CELF5: variants seen among roughly 807,000 people sequenced by gnomAD.
CELF5 encodes CUG-BP and ETR-3 like factor 5.
CELF5 carries 6 observed loss-of-function variants against 54.9 expected under a neutral mutation model. The observed-to-expected ratio is 0.11, with a 90% confidence interval of 0.06 to 0.22. CELF5 has a LOEUF of 0.22. Among genes scored for constraint, CELF5 ranks in the 10% least tolerant of loss-of-function variants. CELF5 has a pLI of 1.00. For synonymous variants in CELF5, 271 were observed against 290.9 expected (o/e 0.93, Z 0.70); for missense variants, 401 against 678.6 (o/e 0.59, Z 4.54).
Position 3,224,837 on chromosome 19 carries a change from G to A in CELF5, c.98G>A (p.Gly33Glu), listed in dbSNP as rs1395946528. The A allele has an allele frequency of 6.3e-7, 1 of 1,591,268 alleles. No individual in the cohort carries two copies. The highest frequency in any genetic ancestry group is 8.5e-7 in the Non-Finnish European group (1 of 1,170,228). The change falls in exon 1 of 13, where the codon GGG (glycine) becomes GAG (glutamate). Residue 33 changes from glycine to glutamate, a missense_variant. Around this residue, in one of 6 missense-constraint regions of CELF5, gnomAD observed 46 missense variants for 55.0 expected, o/e 0.84. Transcript: ENST00000292672. ...GGCAGCAGCGGGCCCGAGCCCCCCG[G>A]GGGGCAGCCCGACGGCATGAAGGAC... ...PVGSSGPEPPGGQPDGMKDLD... is the reference protein window; with the variant it reads ...PVGSSGPEPPEGQPDGMKDLD...
At chr19:3,252,979 G>C (rs890232267) in intron 2 of CELF5, among the ~76,000 whole-genome samples, 5 of 152,000 alleles carry the variant, frequency 3.3e-5, no homozygotes, top group African/African-American at 1.2e-4. Context: ...GGGCACTCCA[G>C]GCAGAAGGAA....
intron 11 of CELF5, 83 bp from the exon 12 acceptor site, chr19:3,293,236 G>T: frequency 6.4e-7 from 1 of 1,570,032 alleles, no homozygotes; most frequent in South Asian, 1.2e-5. Context: ...GACCCCGTGA[G>T]CCGGGAAGCC....
At position 3,281,213 on chromosome 19, in the gene CELF5, C is replaced by T. The variant is rs1444290472; in HGVS notation, c.618C>T (p.Ser206=). Residue 206 remains serine (S), a synonymous_variant, in exon 6 of 13, where the codon AGC becomes AGT. Coordinates refer to ENST00000292672, the MANE Select transcript of CELF5 (RefSeq NM_021938.4). This position sits in a 1 kb window ranked among gnomAD's most constrained non-coding sequence, Gnocchi z 6.5. The part of the protein sequence containing the change: ...GSQTMPGASS[S]LVVKFADTDK... ...TGCCCCTGCAGGGAGCCTCCTCCAGCCTGGTGGTCAAGTTCGCCGACACGG... is the reference window on the plus strand; with the variant it reads ...TGCCCCTGCAGGGAGCCTCCTCCAGTCTGGTGGTCAAGTTCGCCGACACGG... 1 of 1,607,642 alleles carries T rather than the reference C, an allele frequency of 6.2e-7. No individual in the cohort carries two copies. Among genetic ancestry groups the T allele is most frequent in the Admixed American group, 1.7e-5 (1 of 59,994 alleles).
chr19:3,270,242 G>A (rs1407551645), intron 2 of CELF5, among the ~76,000 whole-genome samples: 1 of 152,124 alleles, frequency 6.6e-6, no homozygotes, highest in Non-Finnish European at 1.5e-5. Context: ...AGCCTTGGGG[G>A]CCCCAGAACC....
chr19:3,295,123 G>A, intron 12 of CELF5: 1 of 152,570 alleles, frequency 6.6e-6, no homozygotes, highest in Non-Finnish European at 1.5e-5. Flanking sequence ...ACCGTTCTTT[G>A]GACACCAGCC....
intron 11 of CELF5, among the ~76,000 whole-genome samples, chr19:3,292,947 G>A (rs927280479): frequency 1.3e-5 from 2 of 152,142 alleles, no homozygotes; most frequent in African/African-American, 2.4e-5. Context: ...CACACAGTCA[G>A]CTGGAGACAC....
intron 1 of CELF5, among the ~76,000 whole-genome samples, chr19:3,235,789 A>AATGGATGGATGGATGGATGG (rs1278030051): frequency 3.9e-5 from 2 of 50,764 alleles, no homozygotes; most frequent in East Asian, 8.8e-4. Context: ...TGGATGGATG[A>AATGGATGGATGGATGGATGG]ATGGATGGAT....
At chr19:3,256,327 C>T (rs1285864821) in intron 2 of CELF5, among the ~76,000 whole-genome samples, 1 of 152,056 alleles carries the variant, frequency 6.6e-6, no homozygotes, top group Non-Finnish European at 1.5e-5. Flanking sequence ...CTGTGTCTGG[C>T]TCTGACTCCC....
chr19:3,286,186 C>G (rs1020784202), intron 10 of CELF5, 161 bp downstream of exon 10: 2 of 548,018 alleles, frequency 3.6e-6, no homozygotes, highest in Non-Finnish European at 3.1e-6. Context: ...AGCCGCTGAC[C>G]CCTGGGAATC....
chr19:3,251,013 G>A lies in CELF5; in HGVS notation c.288G>A (p.Arg96=), dbSNP rs541227463. Residue 96 remains arginine (R), a synonymous_variant, in exon 2 of 13, where the codon AGG becomes AGA. Transcript: ENST00000292672. The part of the protein sequence containing the change: ...KGCAFLTYCA[R]DSAIKAQTAL... ...GTGCCTTCCTCACCTACTGTGCCAG[G>A]GATTCCGCCATCAAAGCTCAGACTG... 1 of 1,613,956 alleles carries A rather than the reference G, an allele frequency of 6.2e-7. No individual in the cohort carries two copies. Among genetic ancestry groups the A allele is most frequent in the East Asian group, 2.2e-5 (1 of 44,868 alleles).
intron 1 of CELF5, among the ~76,000 whole-genome samples, chr19:3,235,158 G>A (rs1285254338): frequency 1.3e-5 from 2 of 152,112 alleles, no homozygotes; most frequent in African/African-American, 4.8e-5. Context: ...CCTTTGCATG[G>A]GCTGTGCCCT....
intron 2 of CELF5, among the ~76,000 whole-genome samples, chr19:3,266,171 G>T (rs2145199378): frequency 6.6e-6 from 1 of 152,292 alleles, no homozygotes; most frequent in African/African-American, 2.4e-5. Flanking sequence ...AAAAGAGTGG[G>T]ACGTTTCGGG....
intron 2 of CELF5, among the ~76,000 whole-genome samples, chr19:3,260,571 C>A (rs1314427368): frequency 2.6e-5 from 4 of 151,624 alleles, no homozygotes; most frequent in African/African-American, 9.7e-5. Context: ...TCTCCTGCCT[C>A]AGCTTCTGAA....
At chr19:3,225,938 C>A (rs972099578) in intron 1 of CELF5, among the ~76,000 whole-genome samples, 1 of 152,148 alleles carries the variant, frequency 6.6e-6, no homozygotes, top group Non-Finnish European at 1.5e-5. Flanking sequence ...CGGCCTCAGG[C>A]CTGTCTGCCT....
chr19:3,273,470 G>A lies in CELF5; in HGVS notation c.343-402G>A, dbSNP rs374526577. Reference sequence around the variant, plus strand: ...CTTGAGGCTTAGGCTCAGAACTCCCGCAACTTAACTTCCACCACATTCTAT... The same window carrying A: ...CTTGAGGCTTAGGCTCAGAACTCCCACAACTTAACTTCCACCACATTCTAT... On this transcript the variant is annotated intron_variant, in intron 2 of 12. Coordinates refer to ENST00000292672, the MANE Select transcript of CELF5 (RefSeq NM_021938.4). Among the ~76,000 whole-genome samples the A allele has an allele frequency of 7.4e-4, 112 of 152,148 alleles. 3 individuals carry two copies. The South Asian group carries it at 0.022, about 31-fold the overall frequency.
intron 1 of CELF5, among the ~76,000 whole-genome samples, chr19:3,229,472 C>T (rs554403736): frequency 3.3e-5 from 5 of 152,166 alleles, no homozygotes; most frequent in East Asian, 3.9e-4. Context: ...GGGGGCCCTG[C>T]CCCCGCAGGA....
chr19:3,278,676 GGTTT>G lies in CELF5; in HGVS notation c.603+569_603+572del, dbSNP rs1001147070. Among the ~76,000 whole-genome samples, 8 of 120,056 alleles carry G rather than the reference GGTTT, an allele frequency of 6.7e-5. No individual in the cohort carries two copies. Among genetic ancestry groups the G allele is most frequent in the Admixed American group, 1.8e-4 (2 of 11,262 alleles). 78.8% of individuals were successfully genotyped at this position (120,056 alleles called of 152,430 possible). On this transcript the variant is annotated intron_variant, in intron 5 of 12. Coordinates refer to ENST00000292672, the MANE Select transcript of CELF5 (RefSeq NM_021938.4). The surrounding 1 kb of genome is among the most constrained non-coding windows in gnomAD (Gnocchi z 4.5). Reference sequence around the variant, plus strand: ...GCATCTGCAGGTGCATTTGTGGGCAGGTTTGTGTGTGTGTGTGTGTGTGTTTGTG... The same window carrying G: ...GCATCTGCAGGTGCATTTGTGGGCAGGTGTGTGTGTGTGTGTGTGTTTGTG...
intron 12 of CELF5, chr19:3,294,313 G>T (rs1008985813): frequency 6.6e-6 from 1 of 152,122 alleles, no homozygotes; most frequent in Non-Finnish European, 1.5e-5. Context: ...CCCCAGAGAC[G>T]GCGGAAACGG....
intron 2 of CELF5, among the ~76,000 whole-genome samples, chr19:3,263,891 T>TGGGC (rs2079843963): frequency 6.6e-6 from 1 of 152,124 alleles, no homozygotes; most frequent in African/African-American, 2.4e-5. Context: ...GGCGATACAG[T>TGGGC]GAGACTCAGT....
Sources: gnomAD v4.1 joint callset for allele counts (sites outside exome capture counted in the v4.1 genomes callset) on GRCh38, gnomAD v4.1.1 for gene constraint, gnomAD v4.1.1 regional missense constraint, Gnocchi (gnomAD v3.1) non-coding constraint, MANE v1.5 for transcripts, NCBI Gene and HGNC (gene_info 2026-07-23, HGNC 2026-07-21) for gene names.